The following SRPK2 variants were observed in gnomAD, a reference collection of about 807,000 sequenced individuals.
SRPK2 encodes the protein SRSF protein kinase 2.
SRPK2 carries 21 observed loss-of-function variants against 90.8 expected under a neutral mutation model. That is an observed-to-expected ratio of 0.23 (90% CI 0.16 to 0.33). The LOEUF (loss-of-function observed/expected upper bound fraction) is 0.33. SRPK2 is among the 10% of genes least tolerant of loss of function. The pLI is 1.00. For missense variants in SRPK2, 620 were observed against 869.0 expected (o/e 0.71, Z 3.60); for synonymous variants, 288 against 311.1 (o/e 0.93, Z 0.78).
chr7:105,241,266 G>A (rs1009213868), intron 2 of SRPK2, among the ~76,000 whole-genome samples: 5 of 152,116 alleles, frequency 3.3e-5, no homozygotes, highest in Admixed American at 1.3e-4. Flanking sequence ...GGTAACTTGT[G>A]CTAAACAGTT....
intron 14 of SRPK2, among the ~76,000 whole-genome samples, 156 bp downstream of exon 14, chr7:105,126,837 A>G (rs1469548695): frequency 6.6e-6 from 1 of 152,168 alleles, no homozygotes; most frequent in Non-Finnish European, 1.5e-5. Context: ...ATTCACTGAG[A>G]CTGAGGGGGC....
At chr7:105,179,994 C>G (rs1328405239) in intron 3 of SRPK2, among the ~76,000 whole-genome samples, 1 of 151,944 alleles carries the variant, frequency 6.6e-6, no homozygotes, top group Admixed American at 6.6e-5. Context: ...ATTGTTAAAA[C>G]AGCTATACTG....
At chr7:105,144,241 A>ATTATT (rs1804212337) in intron 9 of SRPK2, among the ~76,000 whole-genome samples, 1 of 117,190 alleles carries the variant, frequency 8.5e-6, no homozygotes, top group Non-Finnish European at 1.7e-5. Context: ...CACCCGGCTA[A>ATTATT]TTTTTTTTTT....
At chr7:105,257,951 CA>C (rs1465185649) in intron 2 of SRPK2, among the ~76,000 whole-genome samples, 1 of 151,750 alleles carries the variant, frequency 6.6e-6, no homozygotes, top group Non-Finnish European at 1.5e-5. Flanking sequence ...ACTAAAAATA[CA>C]AAAAGTTAGC....
At chr7:105,119,849 A>T (rs1174272414) in intron 15 of SRPK2, among the ~76,000 whole-genome samples, 1 of 152,240 alleles carries the variant, frequency 6.6e-6, no homozygotes, top group Non-Finnish European at 1.5e-5. Flanking sequence ...CAAAATTACG[A>T]AGAGCCAGTA....
upstream of SRPK2, among the ~76,000 whole-genome samples, chr7:105,391,283 G>A (rs911582589): frequency 5.9e-5 from 9 of 151,794 alleles, no homozygotes; most frequent in Admixed American, 3.3e-4. Context: ...TCAGCTCTTC[G>A]CAACCTCTGC....
At chr7:105,289,252 C>T (rs1173306743) in intron 2 of SRPK2, among the ~76,000 whole-genome samples, 2 of 150,858 alleles carry the variant, frequency 1.3e-5, no homozygotes, top group South Asian at 2.1e-4. Flanking sequence ...CCAGCCTGGG[C>T]GACAGAACAA....
In SRPK2 at chr7:105,196,974, C is replaced by T. The variant is rs561274193; in HGVS notation, c.229+6654G>A. Among the ~76,000 whole-genome samples the T allele has an allele frequency of 3.1e-4, 47 of 152,092 alleles. No homozygotes were observed. The South Asian group carries it at 8.9e-3, about 29-fold the overall frequency. ...CTGAGGCAGGAGAATTGTTTGTACC[C>T]GGGAGGTAGAGGCAGTGAGTGGAGA... On this transcript the variant is annotated intron_variant, in intron 3 of 15. Coordinates refer to ENST00000393651, the MANE Select transcript of SRPK2 (RefSeq NM_182692.3).
At chr7:105,209,743 A>C (rs1796630805) in intron 2 of SRPK2, among the ~76,000 whole-genome samples, 1 of 152,024 alleles carries the variant, frequency 6.6e-6, no homozygotes, top group Non-Finnish European at 1.5e-5. Context: ...AAAAGAGAAA[A>C]AGAGGGGAGG....
At chr7:105,147,599 GAGCCACCAC>G (rs1224848204) in intron 7 of SRPK2, among the ~76,000 whole-genome samples, 3 of 152,038 alleles carry the variant, frequency 2.0e-5, no homozygotes, top group Non-Finnish European at 4.4e-5. Context: ...TTACAGGCGT[GAGCCACCAC>G]ACACGGCAAC....
intron 2 of SRPK2, among the ~76,000 whole-genome samples, chr7:105,317,905 C>A (rs577086498): frequency 1.3e-5 from 2 of 152,122 alleles, no homozygotes; most frequent in Admixed American, 6.5e-5. Flanking sequence ...TGCACCACCA[C>A]TCCTGGCTAA....
intron 13 of SRPK2, among the ~76,000 whole-genome samples, chr7:105,128,690 A>T (rs1801552266): frequency 1.3e-5 from 2 of 152,280 alleles, no homozygotes; most frequent in Admixed American, 1.3e-4. Context: ...CTTTTAATTA[A>T]TTTTCAAAAT....
chr7:105,330,115 G>A (rs1332790786), intron 2 of SRPK2, among the ~76,000 whole-genome samples: 1 of 151,802 alleles, frequency 6.6e-6, no homozygotes, highest in Non-Finnish European at 1.5e-5. Flanking sequence ...GGCCACGGGA[G>A]GATCACAAGG....
chr7:105,213,703 T>C (rs1357987530), intron 2 of SRPK2, among the ~76,000 whole-genome samples: 1 of 152,212 alleles, frequency 6.6e-6, no homozygotes, highest in Non-Finnish European at 1.5e-5. Context: ...CTCTTCTATC[T>C]AAAAGCTATG....
chr7:105,198,059 G>GCA (rs1242476286), intron 3 of SRPK2, among the ~76,000 whole-genome samples: 1 of 152,228 alleles, frequency 6.6e-6, no homozygotes, highest in South Asian at 2.1e-4. Context: ...CGCTTATATT[G>GCA]CACGTATAGT....
chr7:105,269,560 T>C (rs1262924928), intron 2 of SRPK2, among the ~76,000 whole-genome samples: 1 of 152,212 alleles, frequency 6.6e-6, no homozygotes, highest in Non-Finnish European at 1.5e-5. Context: ...AGAGATAATA[T>C]ATTTGTCCTT....
At chr7:105,301,935 G>A in intron 2 of SRPK2, 1 of 1,609,510 alleles carries the variant, frequency 6.2e-7, no homozygotes. Context: ...GCCCCATCAA[G>A]TAAGAAAAAA....
chr7:105,124,652 A>AAAAAAAAAAAAAAAAAAAAAAAAC (rs1800898048), intron 15 of SRPK2, among the ~76,000 whole-genome samples: 1 of 150,596 alleles, frequency 6.6e-6, no homozygotes, highest in Non-Finnish European at 1.5e-5. Flanking sequence ...AAAAAAAAAA[A>AAAAAAAAAAAAAAAAAAAAAAAAC]AAAAAAATCA....
At chr7:105,294,357 A>T (rs1172150611) in intron 2 of SRPK2, among the ~76,000 whole-genome samples, 2 of 152,108 alleles carry the variant, frequency 1.3e-5, no homozygotes, top group African/African-American at 4.8e-5. Context: ...ATCCAATAAA[A>T]TTTTGTCGAT....
Sources: allele counts gnomAD v4.1 joint callset (sites outside exome capture counted in the v4.1 genomes callset), GRCh38; gene constraint gnomAD v4.1.1; transcripts MANE v1.5; gene names NCBI Gene and HGNC (gene_info 2026-07-23, HGNC 2026-07-21).